ADAMTSL1: variants seen among roughly 807,000 people sequenced by gnomAD.
ADAMTSL1 encodes the protein ADAMTS like 1.
Under a neutral mutation model 201.8 loss-of-function variants are expected in ADAMTSL1, and 126 were observed. That is an observed-to-expected ratio of 0.62 (90% CI 0.54 to 0.72). The LOEUF (loss-of-function observed/expected upper bound fraction) is 0.72. ADAMTSL1 is among the 30% of genes least tolerant of loss of function. The pLI is 0.00. For missense variants in ADAMTSL1, 2,679 were observed against 2,277.8 expected (o/e 1.18, Z -3.59); for synonymous variants, 1,121 against 903.4 (o/e 1.24, Z -4.32).
chr9:18,878,638 T>G (rs966931693), intron 23 of ADAMTSL1, among the ~76,000 whole-genome samples: 1 of 152,234 alleles, frequency 6.6e-6, no homozygotes, highest in African/African-American at 2.4e-5. Flanking sequence ...GTTTTTTGGC[T>G]GTTCTCATGG....
intron 2 of ADAMTSL1, among the ~76,000 whole-genome samples, chr9:18,530,428 C>A (rs1359612167): frequency 6.6e-6 from 1 of 152,064 alleles, no homozygotes; most frequent in Non-Finnish European, 1.5e-5. Context: ...AAAATCTCAC[C>A]ATTGAATCTC....
At chr9:18,547,856 G>A (rs1239213311) in intron 3 of ADAMTSL1, among the ~76,000 whole-genome samples, 1 of 151,850 alleles carries the variant, frequency 6.6e-6, no homozygotes. Flanking sequence ...CGGGGGCCAT[G>A]TGAACCGTAT....
At chr9:18,898,759 C>A (rs1004472675) in intron 26 of ADAMTSL1, among the ~76,000 whole-genome samples, 1 of 152,206 alleles carries the variant, frequency 6.6e-6, no homozygotes, top group Non-Finnish European at 1.5e-5. Flanking sequence ...ACATCACCTT[C>A]ATCTTAAAAT....
At chr9:18,728,612 C>T (rs1325741672) in intron 15 of ADAMTSL1, among the ~76,000 whole-genome samples, 1 of 152,160 alleles carries the variant, frequency 6.6e-6, no homozygotes, top group Non-Finnish European at 1.5e-5. Context: ...ATGAATAGGG[C>T]AAGCATGGAG....
At chr9:18,510,874 C>G (rs1217804506) in intron 2 of ADAMTSL1, among the ~76,000 whole-genome samples, 1 of 151,792 alleles carries the variant, frequency 6.6e-6, no homozygotes, top group Non-Finnish European at 1.5e-5. Context: ...CAGTTCTTCA[C>G]CCCCCTACTA....
intron 23 of ADAMTSL1, among the ~76,000 whole-genome samples, chr9:18,854,228 A>G (rs1422056391): frequency 6.6e-6 from 1 of 152,084 alleles, no homozygotes; most frequent in East Asian, 1.9e-4. Context: ...TCCCTAACAC[A>G]CATATGCACG....
chr9:18,083,621 G>C (rs964720402), intron 1 of ADAMTSL1, among the ~76,000 whole-genome samples: 1 of 152,214 alleles, frequency 6.6e-6, no homozygotes, highest in Admixed American at 6.5e-5. Flanking sequence ...CAGACTCACA[G>C]TCATCTGGAA....
At chr9:18,409,828 T>G (rs1210390709) in intron 2 of ADAMTSL1, among the ~76,000 whole-genome samples, 1 of 150,068 alleles carries the variant, frequency 6.7e-6, no homozygotes, top group Non-Finnish European at 1.5e-5. Context: ...TAATGAAAAT[T>G]TATATATGTA....
At chr9:18,699,466 A>G (rs1250292093) in intron 13 of ADAMTSL1, among the ~76,000 whole-genome samples, 2 of 151,914 alleles carry the variant, frequency 1.3e-5, no homozygotes, top group East Asian at 3.9e-4. Flanking sequence ...CTGGGACTAC[A>G]GGTGTGTGCT....
chr9:18,450,156 A>G (rs1373391335), intron 2 of ADAMTSL1, among the ~76,000 whole-genome samples: 1 of 152,212 alleles, frequency 6.6e-6, no homozygotes, highest in Admixed American at 6.5e-5. Flanking sequence ...TAACGAAATT[A>G]TGGAACATCC....
chr9:18,880,535 A>C (rs1259542594), intron 23 of ADAMTSL1, among the ~76,000 whole-genome samples: 2 of 152,220 alleles, frequency 1.3e-5, no homozygotes, highest in Non-Finnish European at 2.9e-5. Flanking sequence ...TTTTGAAAGA[A>C]GGCTTTTTCT....
intron 2 of ADAMTSL1, among the ~76,000 whole-genome samples, chr9:18,234,641 C>T (rs1830769242): frequency 6.6e-6 from 1 of 152,112 alleles, no homozygotes; most frequent in Non-Finnish European, 1.5e-5. Flanking sequence ...CAATTGTTCT[C>T]ATTTGATTAA....
At chr9:18,856,623 A>C (rs1398848578) in intron 23 of ADAMTSL1, among the ~76,000 whole-genome samples, 1 of 151,810 alleles carries the variant, frequency 6.6e-6, no homozygotes, top group Non-Finnish European at 1.5e-5. Context: ...AACCCTGGCT[A>C]ATTTTTGTAT....
chr9:18,541,731 AT>A (rs1446912702), intron 3 of ADAMTSL1, among the ~76,000 whole-genome samples: 2 of 152,212 alleles, frequency 1.3e-5, no homozygotes, highest in African/African-American at 4.8e-5. Flanking sequence ...GCATATAAAA[AT>A]ATCGTTCTAA....
chr9:18,325,445 G>T (rs1233102605), intron 2 of ADAMTSL1, among the ~76,000 whole-genome samples: 2 of 152,170 alleles, frequency 1.3e-5, no homozygotes, highest in African/African-American at 4.8e-5. Flanking sequence ...TATTCATGTG[G>T]ATGAATCTCA....
chr9:18,478,483 G>A (rs1332097886), intron 1 of ADAMTSL1, among the ~76,000 whole-genome samples: 2 of 152,140 alleles, frequency 1.3e-5, no homozygotes, highest in African/African-American at 2.4e-5. Flanking sequence ...AGAGACTATC[G>A]AAGGGTTCTT....
chr9:18,789,424 T>G (rs987120691), intron 19 of ADAMTSL1, among the ~76,000 whole-genome samples: 8 of 152,170 alleles, frequency 5.3e-5, no homozygotes, highest in African/African-American at 1.9e-4. Context: ...GGGGATTTGA[T>G]CCCATCATTA....
At chr9:18,826,743 C>G (rs1271554118) in intron 22 of ADAMTSL1, among the ~76,000 whole-genome samples, 1 of 152,178 alleles carries the variant, frequency 6.6e-6, no homozygotes, top group African/African-American at 2.4e-5. Context: ...AGACTCCAGA[C>G]AGGAGGATTG....
chr9:18,137,121 C>T lies in ADAMTSL1; in HGVS notation c.88-26741C>T, dbSNP rs138950765. Among the ~76,000 whole-genome samples the T allele has an allele frequency of 2.0e-3, 306 of 152,188 alleles. 1 individual carries two copies. The highest frequency in any genetic ancestry group is 6.8e-3 in the African/African-American group (281 of 41,546). On this transcript the variant is annotated intron_variant, in intron 1 of 29. Coordinates refer to the ADAMTSL1 transcript ENST00000680146. ...GAGGGCATACAGTCAGGGATGAAAT[C>T]GGAATTTCTGGACTGGTCCATGCAA...
Sources: allele counts gnomAD v4.1 joint callset (sites outside exome capture counted in the v4.1 genomes callset), GRCh38; gene constraint gnomAD v4.1.1; transcripts MANE v1.5; gene names NCBI Gene and HGNC (gene_info 2026-07-23, HGNC 2026-07-21).